Variants in MYH11 observed in about 807,000 individuals in gnomAD.
The protein encoded by MYH11 is myosin-11.
MYH11 carries 80 observed loss-of-function variants against 246.6 expected under a neutral mutation model. The observed-to-expected ratio is 0.32, with a 90% CI of 0.27 to 0.39. The LOEUF is 0.39. Among genes scored for constraint, MYH11 ranks in the 10% least tolerant of loss-of-function variants. MYH11 has a pLI of 1.00. For synonymous variants in MYH11, 1,071 were observed against 1,015.5 expected (o/e 1.05, Z -1.04); for missense variants, 2,158 against 2,546.8 (o/e 0.85, Z 3.29).
intron 2 of MYH11, among the ~76,000 whole-genome samples, chr16:15,827,947 C>A (rs571337845): frequency 2.0e-5 from 3 of 152,188 alleles, no homozygotes; most frequent in Admixed American, 6.5e-5. Flanking sequence ...TCCTTCAGGC[C>A]TCGACTCCAT....
intron 27 of MYH11, 102 bp from the exon 28 acceptor site, chr16:15,727,156 C>T: frequency 1.0e-6 from 1 of 973,078 alleles, no homozygotes; most frequent in South Asian, 1.3e-5. Context: ...GGAAGGCACA[C>T]AACAGGGGGC....
chr16:15,752,941 T>C (rs4781686), intron 15 of MYH11, among the ~76,000 whole-genome samples: 53,598 of 151,944 alleles, frequency 0.35, 9,707 homozygotes, highest in East Asian at 0.58. Context: ...GCATCACTGG[T>C]CTAATTTAAC....
intron 3 of MYH11, among the ~76,000 whole-genome samples, chr16:15,813,158 ACT>A (rs2043179876): frequency 6.6e-6 from 1 of 151,810 alleles, no homozygotes; most frequent in African/African-American, 2.4e-5. Context: ...CAGGGGTGAA[ACT>A]CTGTCTCAAA....
At chr16:15,776,376 A>G (rs1445730027) in intron 7 of MYH11, among the ~76,000 whole-genome samples, 200 bp from the exon 8 acceptor site, 1 of 152,172 alleles carries the variant, frequency 6.6e-6, no homozygotes, top group Non-Finnish European at 1.5e-5. Context: ...TGCAAAAAAA[A>G]GGGAGGGGAA....
In MYH11 at chr16:15,820,272, C is replaced by T. The variant is rs180936041; in HGVS notation, c.502+2983G>A. Among the ~76,000 whole-genome samples, 51 of 152,136 alleles carry T rather than the reference C, an allele frequency of 3.4e-4. No individual in the cohort carries two copies. The East Asian group carries it at 6.9e-3, about 21-fold the overall frequency. On this transcript the variant is annotated intron_variant, in intron 3 of 40. Transcript: ENST00000300036. ...CGGGCAGATCACAATGTCAGGAGATCGAGACCATCCTGGGTAACATGGTGA... is the reference window on the plus strand; with the variant it reads ...CGGGCAGATCACAATGTCAGGAGATTGAGACCATCCTGGGTAACATGGTGA...
rs542434174 is a variant in MYH11 at position 15,750,300 on chromosome 16, G to A, written c.1896C>T (p.Ala632=). 3 of 1,612,564 alleles carry A rather than the reference G, an allele frequency of 1.9e-6. No homozygotes were observed. Among genetic ancestry groups the A allele is most frequent in the East Asian group, 2.2e-5 (1 of 44,812 alleles). ...TGGGCAGCGAGCTCTCCGTCATCTT[G>A]GCCATCTGGTCCAGGCCCACGATGC... The part of the protein sequence containing the change: ...VDRIVGLDQM[A]KMTESSLPSA... The change falls in exon 16 of 41, where the codon GCC becomes GCT. Residue 632 remains alanine, a synonymous_variant. Transcript: ENST00000300036. The surrounding 1 kb of genome is among the most constrained non-coding windows in gnomAD (Gnocchi z 4.3).
At chr16:15,745,999 C>T (rs2041409248) in intron 19 of MYH11, among the ~76,000 whole-genome samples, 1 of 152,148 alleles carries the variant, frequency 6.6e-6, no homozygotes, top group South Asian at 2.1e-4. Flanking sequence ...TCACTGCAGC[C>T]TCAAATTCCT....
intron 2 of MYH11, among the ~76,000 whole-genome samples, chr16:15,834,914 T>TTA (rs1416161665): frequency 6.7e-6 from 1 of 149,612 alleles, no homozygotes; most frequent in Non-Finnish European, 1.5e-5. Flanking sequence ...TACAGAAGTT[T>TTA]TTTTTTTTTT....
At chr16:15,823,903 A>C (rs970454617) in intron 2 of MYH11, among the ~76,000 whole-genome samples, 1 of 152,136 alleles carries the variant, frequency 6.6e-6, no homozygotes, top group African/African-American at 2.4e-5. Context: ...CTGGGATTAT[A>C]GTTGTGAGCC....
At position 15,839,981 on chromosome 16, in the gene MYH11, G is replaced by A. The variant is rs1050010998; in HGVS notation, c.-17-1712C>T. ...CAGGAGAATCACTTGAACCTGGGAG[G>A]CAGAGGCTGCAGTGAGCCGAGACTG... is the stretch of plus-strand genomic sequence containing the variant. On this transcript the variant is annotated intron_variant, in intron 1 of 40. Coordinates refer to ENST00000300036, the MANE Select transcript of MYH11 (RefSeq NM_002474.3). Among the ~76,000 whole-genome samples the A allele has an allele frequency of 3.3e-5, 5 of 152,104 alleles. No homozygotes were observed. The South Asian group carries it at 1.0e-3, about 32-fold the overall frequency.
intron 3 of MYH11, among the ~76,000 whole-genome samples, chr16:15,815,362 T>G (rs1015804860): frequency 3.9e-5 from 6 of 152,046 alleles, no homozygotes; most frequent in African/African-American, 1.4e-4. Flanking sequence ...GAATGTCATA[T>G]GAAAGAAACA....
intron 8 of MYH11, among the ~76,000 whole-genome samples, chr16:15,773,307 T>TTTTA (rs2042148599): frequency 6.7e-6 from 1 of 149,448 alleles, no homozygotes; most frequent in Non-Finnish European, 1.5e-5. Flanking sequence ...TTTTTTTTTT[T>TTTTA]GAGAGGGAGT....
At chr16:15,850,173 T>C (rs937423158) in intron 1 of MYH11, among the ~76,000 whole-genome samples, 3 of 152,048 alleles carry the variant, frequency 2.0e-5, no homozygotes, top group African/African-American at 7.2e-5. Context: ...TAACCTGAGG[T>C]CAGTAGTTCA....
At position 15,782,486 on chromosome 16, in the gene MYH11, C is replaced by A; in HGVS notation, c.634-9G>T. On this transcript the variant is annotated splice_polypyrimidine_tract_variant and intron_variant, in intron 5 of 40. Coordinates refer to ENST00000300036, the MANE Select transcript of MYH11 (RefSeq NM_002474.3). The stretch of plus-strand genomic sequence containing the variant: ...TGCTTTTCCAGCTCTCCCTAAAATT[C>A]ATTCACATCTAGTTATTGGAGAAAG... 1 of 1,612,874 alleles carries A rather than the reference C, an allele frequency of 6.2e-7. No individual in the cohort carries two copies. Among genetic ancestry groups the A allele is most frequent in the South Asian group, 1.1e-5 (1 of 91,042 alleles).
At chr16:15,704,625 G>C (rs772777571) in intron 40 of MYH11, among the ~76,000 whole-genome samples, 26 of 152,162 alleles carry the variant, frequency 1.7e-4, no homozygotes, top group Non-Finnish European at 2.9e-4. Context: ...ATTGGAAGAA[G>C]GTGAAATGGA....
intron 1 of MYH11, among the ~76,000 whole-genome samples, chr16:15,848,022 C>T (rs2044240541): frequency 6.6e-6 from 1 of 152,092 alleles, no homozygotes; most frequent in African/African-American, 2.4e-5. Context: ...ACACAAAACA[C>T]ACAACAGGAC....
At chr16:15,847,490 G>C (rs972477833) in intron 1 of MYH11, among the ~76,000 whole-genome samples, 3 of 152,162 alleles carry the variant, frequency 2.0e-5, no homozygotes, top group African/African-American at 7.2e-5. Flanking sequence ...CTGACCTCAA[G>C]TGATCTGCCT....
At chr16:15,730,942 G>A (rs1283451661) in intron 27 of MYH11, among the ~76,000 whole-genome samples, 3 of 152,064 alleles carry the variant, frequency 2.0e-5, no homozygotes, top group Non-Finnish European at 2.9e-5. Flanking sequence ...AAATTATGCC[G>A]GAGAGAGCTG....
At chr16:15,789,503 G>T (rs1260203244) in intron 4 of MYH11, among the ~76,000 whole-genome samples, 1 of 152,180 alleles carries the variant, frequency 6.6e-6, no homozygotes, top group Non-Finnish European at 1.5e-5. Context: ...TGGAGGAGAA[G>T]CAGGATTTGA....
Sources: gnomAD v4.1 joint callset for allele counts (sites outside exome capture counted in the v4.1 genomes callset) on GRCh38, gnomAD v4.1.1 for gene constraint, Gnocchi (gnomAD v3.1) non-coding constraint, MANE v1.5 for transcripts, NCBI Gene and HGNC (gene_info 2026-07-23, HGNC 2026-07-21) for gene names.